The following RPS6KA2 variants were observed in gnomAD, a reference collection of about 807,000 sequenced individuals.
RPS6KA2 encodes ribosomal protein S6 kinase A2.
A neutral mutation model predicts 91.8 loss-of-function variants in RPS6KA2; 42 were observed. The observed-to-expected ratio is 0.46, with a 90% CI of 0.36 to 0.59. The LOEUF is 0.59. RPS6KA2 is among the 20% of genes least tolerant of loss of function. The pLI, the probability that RPS6KA2 is intolerant of heterozygous loss-of-function variation, is 0.00. For missense variants in RPS6KA2, 798 were observed against 978.5 expected, an observed-to-expected ratio of 0.82 and a Z score of 2.46; for synonymous variants, 414 against 393.6, an observed-to-expected ratio of 1.05 and a Z score of -0.61.
intron 2 of RPS6KA2, among the ~76,000 whole-genome samples, chr6:166,724,895 G>A (rs1041354914): frequency 5.9e-5 from 9 of 152,078 alleles, no homozygotes; most frequent in African/African-American, 2.2e-4. Flanking sequence ...TGCATTTTTG[G>A]TTTATTAGAT....
At chr6:166,858,604 A>C (rs1162483841) in intron 1 of RPS6KA2, among the ~76,000 whole-genome samples, 1 of 152,242 alleles carries the variant, frequency 6.6e-6, no homozygotes, top group East Asian at 1.9e-4. Flanking sequence ...ATTTTCATGA[A>C]GCTAAAATAC....
chr6:166,731,098 C>T (rs1353890636), intron 2 of RPS6KA2, among the ~76,000 whole-genome samples: 9 of 152,200 alleles, frequency 5.9e-5, no homozygotes, highest in African/African-American at 1.7e-4. Context: ...CAAAATTAGC[C>T]GGGCGTGCTG....
chr6:166,414,002 C>A, intron 19 of RPS6KA2, 71 bp from the exon 20 acceptor site: 4 of 1,439,028 alleles, frequency 2.8e-6, no homozygotes, highest in South Asian at 1.2e-5. Flanking sequence ...GCCTCCCCAG[C>A]AGAACTCCTC....
At chr6:166,813,553 C>A (rs1158817687) in intron 2 of RPS6KA2, among the ~76,000 whole-genome samples, 7 of 152,140 alleles carry the variant, frequency 4.6e-5, no homozygotes, top group Admixed American at 4.6e-4. Context: ...GATGCTAGAA[C>A]CCTAAAATCA....
At chr6:166,556,904 A>G (rs553427214) in intron 1 of RPS6KA2, among the ~76,000 whole-genome samples, 1 of 152,222 alleles carries the variant, frequency 6.6e-6, no homozygotes, top group African/African-American at 2.4e-5. Context: ...TGTTTCACCC[A>G]GGCAGATTTA....
intron 14 of RPS6KA2, among the ~76,000 whole-genome samples, chr6:166,446,284 A>G (rs7756092): frequency 0.15 from 23,131 of 152,162 alleles, 3,818 homozygotes; most frequent in African/African-American, 0.41. Context: ...AGCCTTCTGG[A>G]CCACGAGCCA....
At chr6:166,810,328 T>G (rs2128620247) in intron 2 of RPS6KA2, among the ~76,000 whole-genome samples, 1 of 152,222 alleles carries the variant, frequency 6.6e-6, no homozygotes, top group East Asian at 1.9e-4. Flanking sequence ...CTCTGGAATG[T>G]GTCACAGCCC....
intron 1 of RPS6KA2, among the ~76,000 whole-genome samples, chr6:166,598,605 G>A (rs1421879334): frequency 1.3e-5 from 2 of 152,156 alleles, no homozygotes; most frequent in Non-Finnish European, 1.5e-5. Context: ...ACTGAGTCAC[G>A]GGTGGTTGGT....
At chr6:166,702,658 A>T in intron 2 of RPS6KA2, 9 of 1,566,596 alleles carry the variant, frequency 5.7e-6, no homozygotes, top group Non-Finnish European at 7.9e-6. Context: ...GTGCAGTTCT[A>T]TTTTACCTGA....
At chr6:166,569,085 C>A (rs1784596985) in intron 1 of RPS6KA2, among the ~76,000 whole-genome samples, 1 of 152,332 alleles carries the variant, frequency 6.6e-6, no homozygotes, top group Non-Finnish European at 1.5e-5. Context: ...AAAAACAAGT[C>A]TGTAAGTAAA....
At chr6:166,796,243 C>G (rs1779219411) in intron 2 of RPS6KA2, among the ~76,000 whole-genome samples, 1 of 152,190 alleles carries the variant, frequency 6.6e-6, no homozygotes, top group Non-Finnish European at 1.5e-5. Flanking sequence ...CACTCATGTC[C>G]ATATGGACAA....
chr6:166,527,486 G>A (rs1444131860), intron 3 of RPS6KA2, among the ~76,000 whole-genome samples: 6 of 152,174 alleles, frequency 3.9e-5, no homozygotes, highest in Non-Finnish European at 8.8e-5. Context: ...TCAATGCCTC[G>A]AGGATGAAAG....
chr6:166,689,249 A>C (rs1789123319), intron 2 of RPS6KA2, among the ~76,000 whole-genome samples: 1 of 152,246 alleles, frequency 6.6e-6, no homozygotes, highest in Non-Finnish European at 1.5e-5. Flanking sequence ...TTCCTGTCCC[A>C]AAAACAGAAC....
intron 10 of RPS6KA2, among the ~76,000 whole-genome samples, chr6:166,484,985 C>T (rs1486839490): frequency 1.3e-5 from 2 of 152,222 alleles, no homozygotes; most frequent in Non-Finnish European, 2.9e-5. Flanking sequence ...TCATCCTCAT[C>T]AACAGCACCG....
intron 2 of RPS6KA2, among the ~76,000 whole-genome samples, chr6:166,652,224 T>C (rs1450355508): frequency 2.6e-5 from 4 of 152,242 alleles, no homozygotes; most frequent in Non-Finnish European, 2.9e-5. Context: ...TCATTTGCTA[T>C]TGTTTTCTTT....
Position 166,486,518 on chromosome 6 carries a change from C to T in RPS6KA2, c.907+2315G>A, listed in dbSNP as rs113681475. On this transcript the variant is annotated intron_variant, in intron 10 of 20. Coordinates refer to ENST00000265678, the MANE Select transcript of RPS6KA2 (RefSeq NM_021135.6). ...AGCTGCCTCTGTCTGGGTGACAGTT[C>T]CCCAGCCTCTCAGACCCTTGACTGG... 4.3e-3 allele frequency among the ~76,000 whole-genome samples: 662 copies of T among 152,364 alleles called. 7 individuals are homozygous for T. The highest frequency in any genetic ancestry group is 0.015 in the African/African-American group (631 of 41,578).
Position 166,526,215 on chromosome 6 carries a change from T to C in RPS6KA2, c.298+5017A>G, listed in dbSNP as rs184402264. 4.1e-3 allele frequency among the ~76,000 whole-genome samples: 632 copies of C among 152,334 alleles called. 6 individuals are homozygous for C. Among genetic ancestry groups the C allele is most frequent in the African/African-American group, 0.014 (584 of 41,574 alleles). ...AAATTTTTGGGAAAAAAAAATCTAC[T>C]TTTTAGTGATGGATCATTACGGAAA... On this transcript the variant is annotated intron_variant, in intron 3 of 20. Coordinates refer to ENST00000265678, the MANE Select transcript of RPS6KA2 (RefSeq NM_021135.6).
chr6:166,451,846 G>C (rs1005844873), intron 12 of RPS6KA2, among the ~76,000 whole-genome samples: 1 of 152,212 alleles, frequency 6.6e-6, no homozygotes, highest in African/African-American at 2.4e-5. Context: ...GTGTTCAAAA[G>C]CATGACTGCT....
intron 2 of RPS6KA2, among the ~76,000 whole-genome samples, chr6:166,707,001 T>C (rs1157333268): frequency 6.6e-6 from 1 of 152,208 alleles, no homozygotes; most frequent in Non-Finnish European, 1.5e-5. Flanking sequence ...ATAAGTTCAA[T>C]TTAGGAGTGA....
Sources: gnomAD v4.1 joint callset for allele counts (sites outside exome capture counted in the v4.1 genomes callset) on GRCh38, gnomAD v4.1.1 for gene constraint, MANE v1.5 for transcripts, NCBI Gene and HGNC (gene_info 2026-07-23, HGNC 2026-07-21) for gene names.